MAP4K3: variants seen among roughly 807,000 people sequenced by gnomAD.
The protein encoded by MAP4K3 is MAPK/ERK kinase kinase kinase 3.
MAP4K3 carries 94 observed loss-of-function variants against 143.5 expected under a neutral mutation model. The ratio of observed to expected loss-of-function variants is 0.65; its 90% CI spans 0.55 to 0.78. MAP4K3 has a LOEUF of 0.78. Among genes scored for constraint, MAP4K3 ranks in the 30% least tolerant of loss-of-function variants. The pLI is 0.00. For missense variants in MAP4K3, 1,077 were observed against 1,068.1 expected, an observed-to-expected ratio of 1.01 and a Z score of -0.12; for synonymous variants, 416 against 347.2, an observed-to-expected ratio of 1.20 and a Z score of -2.20.
chr2:39,411,614 G>C (rs894998898), intron 1 of MAP4K3, among the ~76,000 whole-genome samples: 1 of 152,228 alleles, frequency 6.6e-6, no homozygotes, highest in African/African-American at 2.4e-5. Flanking sequence ...TGAGAAAGTG[G>C]ATGGAACCAG....
intron 2 of MAP4K3, among the ~76,000 whole-genome samples, chr2:39,364,303 T>C (rs1665859439): frequency 6.6e-6 from 1 of 152,190 alleles, no homozygotes; most frequent in African/African-American, 2.4e-5. Context: ...TCACACAAGA[T>C]GAAAATATTC....
rs527831077 is a variant in MAP4K3 at position 39,380,646 on chromosome 2, T to C, written c.97-2523A>G. Among the ~76,000 whole-genome samples the C allele has an allele frequency of 2.0e-5, 3 of 152,290 alleles. No individual in the cohort carries two copies. In the East Asian group the frequency reaches 5.8e-4, roughly 29 times the overall value. ...AGCTAGATCTAGTCTGCTGCAACAC[T>C]GATCTGACCACCATTCTTCAAATGC... On this transcript the variant is annotated intron_variant, in intron 1 of 33. Coordinates refer to ENST00000263881, the MANE Select transcript of MAP4K3 (RefSeq NM_003618.4).
At chr2:39,403,683 C>G (rs1397038209) in intron 1 of MAP4K3, among the ~76,000 whole-genome samples, 3 of 151,944 alleles carry the variant, frequency 2.0e-5, no homozygotes, top group Non-Finnish European at 2.9e-5. Flanking sequence ...AACTCTTAGG[C>G]AAAGTCGTAG....
intron 2 of MAP4K3, among the ~76,000 whole-genome samples, chr2:39,373,108 T>C (rs1280906235): frequency 6.6e-6 from 1 of 152,146 alleles, no homozygotes; most frequent in Non-Finnish European, 1.5e-5. Context: ...AAAACCCTAA[T>C]TCAATTTAAA....
intron 4 of MAP4K3, among the ~76,000 whole-genome samples, chr2:39,341,165 G>C (rs557246611): frequency 1.5e-3 from 225 of 152,208 alleles, no homozygotes; most frequent in Non-Finnish European, 2.8e-3. Context: ...GATAAGAACA[G>C]ATTACCTGCA....
intron 1 of MAP4K3, among the ~76,000 whole-genome samples, chr2:39,429,120 C>G (rs1441363308): frequency 2.2e-5 from 2 of 91,000 alleles, no homozygotes; most frequent in Non-Finnish European, 4.9e-5. Flanking sequence ...TAAAAATGAA[C>G]AAGACTAAGC....
chr2:39,413,968 C>T (rs559926013), intron 1 of MAP4K3, among the ~76,000 whole-genome samples: 3 of 152,284 alleles, frequency 2.0e-5, no homozygotes, highest in Non-Finnish European at 2.9e-5. Context: ...TACACACTTA[C>T]TCGCTAATTC....
At chr2:39,303,406 GAAT>G (rs767213673) in intron 15 of MAP4K3, among the ~76,000 whole-genome samples, 4 of 152,134 alleles carry the variant, frequency 2.6e-5, no homozygotes, top group Non-Finnish European at 4.4e-5. Flanking sequence ...CCTGAAAATG[GAAT>G]AATATGACTT....
At chr2:39,328,053 G>A (rs1327481775) in intron 8 of MAP4K3, among the ~76,000 whole-genome samples, 2 of 152,182 alleles carry the variant, frequency 1.3e-5, no homozygotes, top group African/African-American at 4.8e-5. Context: ...AATGCTGGCC[G>A]GGAGCAGTGG....
At chr2:39,308,074 A>C (rs759603959) in intron 14 of MAP4K3, 69 bp from the exon 15 acceptor site, 153 of 1,071,878 alleles carry the variant, frequency 1.4e-4, no homozygotes, top group Admixed American at 7.4e-4. Context: ...TCACAAAGGG[A>C]AACTTTCACA....
intron 24 of MAP4K3, among the ~76,000 whole-genome samples, chr2:39,275,518 A>C (rs1346047007): frequency 6.6e-6 from 1 of 152,186 alleles, no homozygotes; most frequent in African/African-American, 2.4e-5. Flanking sequence ...TCTTCAAATT[A>C]GGTTGATAAA....
At chr2:39,291,118 TAGA>T (rs1253529392) in intron 18 of MAP4K3, among the ~76,000 whole-genome samples, 1 of 152,020 alleles carries the variant, frequency 6.6e-6, no homozygotes, top group Non-Finnish European at 1.5e-5. Flanking sequence ...TGCAAATAGT[TAGA>T]AGGAGGATAT....
intron 13 of MAP4K3, among the ~76,000 whole-genome samples, chr2:39,310,969 G>A (rs1443363598): frequency 6.6e-6 from 1 of 152,036 alleles, no homozygotes; most frequent in Non-Finnish European, 1.5e-5. Flanking sequence ...GTTAATTCTA[G>A]GCCATTTCCA....
At chr2:39,417,961 G>A (rs193080305) in intron 1 of MAP4K3, among the ~76,000 whole-genome samples, 7 of 152,234 alleles carry the variant, frequency 4.6e-5, no homozygotes, top group Non-Finnish European at 8.8e-5. Flanking sequence ...TGAGCACTTT[G>A]GGAGGCCGAG....
At chr2:39,367,577 G>C (rs1006026007) in intron 2 of MAP4K3, among the ~76,000 whole-genome samples, 6 of 151,502 alleles carry the variant, frequency 4.0e-5, no homozygotes, top group African/African-American at 1.5e-4. Flanking sequence ...AAAAAGAAAA[G>C]AAAGAAACCA....
chr2:39,377,087 C>T (rs762643324), intron 2 of MAP4K3, among the ~76,000 whole-genome samples: 3 of 151,188 alleles, frequency 2.0e-5, no homozygotes, highest in Non-Finnish European at 4.4e-5. Context: ...AATATCACTT[C>T]TAAAAAGTTT....
chr2:39,335,238 G>A (rs1379658396), intron 6 of MAP4K3, among the ~76,000 whole-genome samples: 2 of 152,144 alleles, frequency 1.3e-5, no homozygotes, highest in African/African-American at 4.8e-5. Context: ...TTATAAGCAG[G>A]AGAGTGATAA....
At chr2:39,405,935 C>A (rs1667081525) in intron 1 of MAP4K3, among the ~76,000 whole-genome samples, 1 of 151,914 alleles carries the variant, frequency 6.6e-6, no homozygotes, top group African/African-American at 2.4e-5. Context: ...GATATGTGAT[C>A]TTTTAGAAAG....
chr2:39,423,918 CATA>C (rs1264603989), intron 1 of MAP4K3, among the ~76,000 whole-genome samples: 3 of 152,142 alleles, frequency 2.0e-5, no homozygotes, highest in Non-Finnish European at 4.4e-5. Context: ...CTTTAATTAA[CATA>C]ATAATAATGT....
Sources: allele counts gnomAD v4.1 joint callset (sites outside exome capture counted in the v4.1 genomes callset), GRCh38; gene constraint gnomAD v4.1.1; transcripts MANE v1.5; gene names NCBI Gene and HGNC (gene_info 2026-07-23, HGNC 2026-07-21).